LRRC43: variants seen among roughly 807,000 people sequenced by gnomAD.
LRRC43 encodes the protein leucine-rich repeat-containing protein 43.
In LRRC43, 62 loss-of-function variants were observed where a neutral mutation model predicts 64.3. That is an observed-to-expected ratio of 0.96 (90% CI 0.79 to 1.19). The LOEUF (loss-of-function observed/expected upper bound fraction) is 1.19. Among genes scored for constraint, LRRC43 ranks in the 50% most tolerant of loss-of-function variants. The pLI is 0.00. For missense variants in LRRC43, 868 were observed against 845.0 expected, an observed-to-expected ratio of 1.03 and a Z score of -0.34; for synonymous variants, 422 against 382.3, an observed-to-expected ratio of 1.10 and a Z score of -1.21.
chr12:122,172,409 G>A, intron 1 of LRRC43: 1 of 1,605,660 alleles, frequency 6.2e-7, no homozygotes, highest in Non-Finnish European at 8.5e-7. Flanking sequence ...GGAAGAGATG[G>A]CCTTAAGTGG....
At chr12:122,174,715 G>C (rs11059197) in intron 1 of LRRC43, among the ~76,000 whole-genome samples, 2,406 of 152,228 alleles carry the variant, frequency 0.016, 79 homozygotes, top group African/African-American at 0.055. Flanking sequence ...GCGGGTCGAA[G>C]GCTTCATCTC....
At position 122,203,401 on chromosome 12, in the gene LRRC43, T is replaced by G. The variant is rs1379057732; in HGVS notation, c.1930T>G (p.Cys644Gly). The change falls in exon 12 of 12, where the codon TGC (cysteine) becomes GGC (glycine). Residue 644 changes from cysteine (C) to glycine (G), a missense_variant. Coordinates refer to ENST00000339777, the MANE Select transcript of LRRC43 (RefSeq NM_001098519.2). Reference protein sequence around the residue: ...TVEVQIQLNQCRSAEEALRMF... With the variant: ...TVEVQIQLNQGRSAEEALRMF... ...AGAGGTGCAGATCCAGCTGAACCAGTGCCGCTCGGCGGAGGAGGCTCTGCG... is the reference window on the plus strand; with the variant it reads ...AGAGGTGCAGATCCAGCTGAACCAGGGCCGCTCGGCGGAGGAGGCTCTGCG... 1 of 1,612,584 alleles carries G rather than the reference T, an allele frequency of 6.2e-7. No individual in the cohort carries two copies. The highest frequency in any genetic ancestry group is 8.5e-7 in the Non-Finnish European group (1 of 1,179,696).
At chr12:122,189,785 T>C (rs572148881) in intron 4 of LRRC43, among the ~76,000 whole-genome samples, 5 of 152,354 alleles carry the variant, frequency 3.3e-5, no homozygotes, top group Non-Finnish European at 7.4e-5. Flanking sequence ...CCGTCCAGTC[T>C]GCCTGTACTA....
At chr12:122,173,837 C>T (rs770307057) in intron 1 of LRRC43, 5 of 1,611,770 alleles carry the variant, frequency 3.1e-6, no homozygotes, top group Non-Finnish European at 1.7e-6. Flanking sequence ...ATCTCTAGGA[C>T]ACTCACATCT....
chr12:122,192,660 G>A, intron 6 of LRRC43, 85 bp from the exon 7 acceptor site: 1 of 1,489,026 alleles, frequency 6.7e-7, no homozygotes, highest in Non-Finnish European at 9.2e-7. Context: ...CCAGATGTCG[G>A]GAGCTGTGTT....
At chr12:122,203,278 T>C in intron 11 of LRRC43, 37 bp from the exon 12 acceptor site, 2 of 1,600,160 alleles carry the variant, frequency 1.2e-6, no homozygotes, top group Non-Finnish European at 1.7e-6. Flanking sequence ...AGCCCATCCG[T>C]CTCCCGGGGC....
intron 1 of LRRC43, chr12:122,171,920 T>C (rs1953488696): frequency 6.4e-6 from 1 of 155,490 alleles, no homozygotes; most frequent in African/African-American, 2.4e-5. Context: ...ATGACAGTGG[T>C]AGAAGCGATA....
rs745320784 is a variant in LRRC43 at position 122,200,407 on chromosome 12, C to A, written c.1491+77C>A. The A allele has an allele frequency of 6.1e-5, 98 of 1,607,526 alleles. No homozygotes were observed. Among genetic ancestry groups the A allele is most frequent in the Non-Finnish European group, 8.2e-5 (96 of 1,176,318 alleles). On this transcript the variant is annotated intron_variant, in intron 8 of 11. Transcript: ENST00000339777. The surrounding 1 kb of genome is among the most constrained non-coding windows in gnomAD (Gnocchi z 4.6). ...TGTTCCTGTTCCCATCGGGCTGTCC[C>A]CCATGGGAGCCGCACTCCCTGGTTA...
chr12:122,185,390 C>T lies in LRRC43; in HGVS notation c.411+611C>T, dbSNP rs142735176. ...CTCAGAGGCTTAGGCAGGAGAATCA[C>T]TTGAGGTGGGGAGGTAGAGGCTGCA... On this transcript the variant is annotated intron_variant, in intron 2 of 11. Coordinates refer to ENST00000339777, the MANE Select transcript of LRRC43 (RefSeq NM_001098519.2). 9.1e-4 allele frequency among the ~76,000 whole-genome samples: 138 copies of T among 152,236 alleles called. 1 individual carries two copies. Among genetic ancestry groups the T allele is most frequent in the African/African-American group, 3.3e-3 (136 of 41,540 alleles).
intron 1 of LRRC43, among the ~76,000 whole-genome samples, chr12:122,171,235 G>A (rs1593138109): frequency 1.3e-5 from 2 of 152,216 alleles, no homozygotes; most frequent in Non-Finnish European, 2.9e-5. Flanking sequence ...AGGCAGAGAA[G>A]CTCAGGCTGG....
At chr12:122,171,076 C>A (rs759597268) in intron 1 of LRRC43, among the ~76,000 whole-genome samples, 42 of 152,222 alleles carry the variant, frequency 2.8e-4, no homozygotes, top group Non-Finnish European at 5.3e-4. Context: ...ATGACAAAAT[C>A]TTTGGACCTG....
At chr12:122,171,288 GTGAC>G (rs1279764310) in intron 1 of LRRC43, among the ~76,000 whole-genome samples, 2 of 152,356 alleles carry the variant, frequency 1.3e-5, no homozygotes, top group South Asian at 2.1e-4. Context: ...CCTTGAGCAA[GTGAC>G]TGACTGACTT....
intron 1 of LRRC43, 70 bp downstream of exon 1, chr12:122,183,364 G>T: frequency 7.3e-7 from 1 of 1,368,860 alleles, no homozygotes; most frequent in South Asian, 1.7e-5. Context: ...CGGGCGAGCG[G>T]AGCGGGCTGG....
chr12:122,201,182 C>A, intron 10 of LRRC43, 114 bp from the exon 11 acceptor site: 4 of 1,148,322 alleles, frequency 3.5e-6, no homozygotes, highest in South Asian at 2.7e-5. Flanking sequence ...CACCAGGAGA[C>A]CCCCGCCTTC....
At chr12:122,172,358 G>A in intron 1 of LRRC43, 1 of 1,291,650 alleles carries the variant, frequency 7.7e-7, no homozygotes, top group South Asian at 1.4e-5. Context: ...TTAGCTGTCG[G>A]TCATCTTTTT....
chr12:122,190,258 C>G lies in LRRC43; in HGVS notation c.791C>G (p.Pro264Arg), dbSNP rs765390232. The G allele has an allele frequency of 6.2e-7, 1 of 1,614,050 alleles. No homozygotes were observed. Among genetic ancestry groups the G allele is most frequent in the South Asian group, 1.1e-5 (1 of 91,080 alleles). ...CAGGGAAACCCACTGGCCTTGGTGC[C>G]CTACTACCGCGGCCTCACCATCGAC... ...VLQGNPLALV[P>R]YYRGLTIDSL... The change falls in exon 5 of 12, where the codon CCC (proline) becomes CGC (arginine). Residue 264 changes from proline to arginine, a missense_variant. Coordinates refer to ENST00000339777, the MANE Select transcript of LRRC43 (RefSeq NM_001098519.2).
chr12:122,200,895 G>A lies in LRRC43; in HGVS notation c.1770G>A (p.Val590=), dbSNP rs759368595. The change falls in exon 10 of 12, where the codon GTG becomes GTA. Residue 590 remains valine, a synonymous_variant. Transcript: ENST00000339777. This position sits in a 1 kb window ranked among gnomAD's most constrained non-coding sequence, Gnocchi z 4.6. ...TGTCCACCGTGTGCAACTTCGGCGT[G>A]GTCCGCACATTGACATCTGACAGGC... is the stretch of plus-strand genomic sequence containing the variant. ...PLVSTVCNFG[V]VRTLTSDRLT... The A allele has an allele frequency of 1.2e-6, 2 of 1,611,388 alleles. No homozygotes were observed. The highest frequency in any genetic ancestry group is 8.5e-7 in the Non-Finnish European group (1 of 1,179,124).
intron 1 of LRRC43, among the ~76,000 whole-genome samples, chr12:122,171,836 TG>T: frequency 6.6e-6 from 1 of 152,264 alleles, no homozygotes; most frequent in African/African-American, 2.4e-5. Flanking sequence ...CCCAAAGTGC[TG>T]GGATTGCAGG....
chr12:122,184,633 C>T lies in LRRC43; in HGVS notation c.265C>T (p.Arg89Cys), dbSNP rs61732476. The change falls in exon 2 of 12, where the codon CGC (arginine) becomes TGC (cysteine). Residue 89 changes from arginine (R) to cysteine (C), a missense_variant. Coordinates refer to ENST00000339777, the MANE Select transcript of LRRC43 (RefSeq NM_001098519.2). The surrounding 1 kb of genome is among the most constrained non-coding windows in gnomAD (Gnocchi z 4.0). ...GGTGGAGGCCCTGCTGGGCCTGGTC[C>T]GCAGCCGCCACTCCCCCTGGGCTCT... ...ETVEALLGLV[R>C]SRHSPWALLN... 1.7e-3 allele frequency: 2,744 copies of T among 1,613,802 alleles called. 34 individuals carry two copies. In the African/African-American group the frequency reaches 0.032, roughly 19 times the overall value.
Sources: allele counts gnomAD v4.1 joint callset (sites outside exome capture counted in the v4.1 genomes callset), GRCh38; gene constraint gnomAD v4.1.1; non-coding constraint Gnocchi (gnomAD v3.1); transcripts MANE v1.5; gene names NCBI Gene and HGNC (gene_info 2026-07-23, HGNC 2026-07-21).